Variants in CHAF1A observed in about 807,000 individuals in gnomAD.
CHAF1A encodes CAF-1 subunit A.
CHAF1A carries 5 observed loss-of-function variants against 93.2 expected under a neutral mutation model. That is an observed-to-expected ratio of 0.05 (90% confidence interval 0.03 to 0.11). The LOEUF (loss-of-function observed/expected upper bound fraction) is 0.11. Among genes scored for constraint, CHAF1A ranks in the 10% least tolerant of loss-of-function variants. The pLI is 1.00. For synonymous variants in CHAF1A, 504 were observed against 510.3 expected, an observed-to-expected ratio of 0.99 and a Z score of 0.17; for missense variants, 1,102 against 1,259.9, an observed-to-expected ratio of 0.87 and a Z score of 1.90.
chr19:4,430,063 G>T, intron 10 of CHAF1A: 1 of 446,538 alleles, frequency 2.2e-6, no homozygotes, highest in Non-Finnish European at 4.0e-6. Context: ...TGCCTCCTGC[G>T]GGCCTGCTGC....
intron 13 of CHAF1A, among the ~76,000 whole-genome samples, chr19:4,435,044 C>T (rs1411712284): frequency 6.6e-6 from 1 of 151,770 alleles, no homozygotes; most frequent in Non-Finnish European, 1.5e-5. Context: ...TTGTCCTTAC[C>T]ACACAGTGTT....
intron 7 of CHAF1A, 140 bp downstream of exon 7, chr19:4,424,014 G>A (rs1974037358): frequency 5.6e-6 from 4 of 719,666 alleles, no homozygotes; most frequent in Non-Finnish European, 9.4e-6. Context: ...TTCCATTTCT[G>A]GTTAAGTCTT....
At chr19:4,446,761 G>C (rs779110246), downstream of CHAF1A, 2 of 1,611,780 alleles carry the variant, frequency 1.2e-6, no homozygotes, top group South Asian at 1.1e-5. Context: ...GCAATGGAGA[G>C]ACCCCCAAGC....
At chr19:4,434,605 C>T (rs968451985) in intron 13 of CHAF1A, among the ~76,000 whole-genome samples, 1 of 152,126 alleles carries the variant, frequency 6.6e-6, no homozygotes, top group Admixed American at 6.5e-5. Context: ...GTGTGTGGCT[C>T]CTTTGACTTG....
At chr19:4,437,336 G>A (rs540991725) in intron 13 of CHAF1A, among the ~76,000 whole-genome samples, 68 of 152,226 alleles carry the variant, frequency 4.5e-4, no homozygotes, top group African/African-American at 1.5e-3. Context: ...GAGCCCGGAT[G>A]GGACATGTGC....
At chr19:4,431,861 C>A in intron 11 of CHAF1A, 91 bp from the exon 12 acceptor site, 1 of 1,505,424 alleles carries the variant, frequency 6.6e-7, no homozygotes, top group African/African-American at 1.4e-5. Context: ...TCCTCTTGCT[C>A]CCCAGCTGGC....
downstream of CHAF1A, chr19:4,448,515 C>T (rs1017039561): frequency 3.0e-5 from 28 of 923,234 alleles, no homozygotes; most frequent in Middle Eastern, 2.5e-4. Context: ...GGCAGAACAG[C>T]GGCTTGGAGC....
rs774759513 is a variant in CHAF1A, at chr19:4,409,797, C to T, written c.960+38C>T. On this transcript the variant is annotated intron_variant, in intron 3 of 14. Transcript: ENST00000301280. ...CATGGAGTCCCTGCACATCAGTGCT[C>T]ACGGATCTCAGAGCGCTGTCAGTCT... is the stretch of plus-strand genomic sequence containing the variant. The T allele has an allele frequency of 3.0e-5, 46 of 1,558,162 alleles. No individual in the cohort carries two copies. The Admixed American group carries it at 7.3e-4, about 25-fold the overall frequency.
At chr19:4,419,678 A>C (rs545111306) in intron 4 of CHAF1A, among the ~76,000 whole-genome samples, 1 of 152,116 alleles carries the variant, frequency 6.6e-6, no homozygotes, top group East Asian at 1.9e-4. Flanking sequence ...TGATCCACCC[A>C]CCTTGGCTTC....
intron 3 of CHAF1A, among the ~76,000 whole-genome samples, chr19:4,411,529 C>A (rs1019890735): frequency 6.6e-6 from 1 of 151,436 alleles, no homozygotes; most frequent in African/African-American, 2.4e-5. Context: ...TGTGCTTGGC[C>A]AAGAGCATTT....
chr19:4,425,038 G>A (rs1228747737), intron 7 of CHAF1A, among the ~76,000 whole-genome samples: 1 of 152,032 alleles, frequency 6.6e-6, no homozygotes, highest in African/African-American at 2.4e-5. Flanking sequence ...GCCTCTCAAA[G>A]CACTTGGATT....
At chr19:4,405,179 C>CCA (rs1469459978) in intron 1 of CHAF1A, among the ~76,000 whole-genome samples, 1 of 152,264 alleles carries the variant, frequency 6.6e-6, no homozygotes, top group East Asian at 1.9e-4. Context: ...TAACCAGGTA[C>CCA]CATAGGTGCA....
At chr19:4,444,295 C>T (rs917017929), downstream of CHAF1A, among the ~76,000 whole-genome samples, 2 of 152,202 alleles carry the variant, frequency 1.3e-5, no homozygotes, top group Non-Finnish European at 2.9e-5. Flanking sequence ...ATCCCCAAGT[C>T]AGCAGTGGGG....
At chr19:4,403,539 G>C (rs1404541138) in intron 1 of CHAF1A, among the ~76,000 whole-genome samples, 1 of 152,238 alleles carries the variant, frequency 6.6e-6, no homozygotes, top group Non-Finnish European at 1.5e-5. Context: ...AACGAATGAA[G>C]GGCTAGAATG....
chr19:4,423,191 T>TA (rs1201918970), intron 5 of CHAF1A, 144 bp from the exon 6 acceptor site: 1 of 1,228,970 alleles, frequency 8.1e-7, no homozygotes, highest in African/African-American at 1.5e-5. Flanking sequence ...AAGACCTATG[T>TA]AAAAGCCTTA....
At chr19:4,414,396 C>CAAA (rs530581987) in intron 3 of CHAF1A, among the ~76,000 whole-genome samples, 3 of 112,658 alleles carry the variant, frequency 2.7e-5, no homozygotes, top group Non-Finnish European at 5.7e-5. Flanking sequence ...CAGACCGTCT[C>CAAA]AAAAAAAAAA....
rs774497853 is a variant in CHAF1A at position 4,431,999 on chromosome 19, C to T, written c.1995C>T (p.Ala665=). 16 of 1,613,710 alleles carry T rather than the reference C, an allele frequency of 9.9e-6. No individual in the cohort carries two copies. In the East Asian group the frequency reaches 3.6e-4, roughly 36 times the overall value. Residue 665 remains alanine, a synonymous_variant, in exon 12 of 15, where the codon GCC becomes GCT. Coordinates refer to ENST00000301280, the MANE Select transcript of CHAF1A (RefSeq NM_005483.3). ...ATAAGGTCCGCCAGAAACTGAAGGC[C>T]AAGGAGTGGGACGAGTTCCTGGCTA... ...ENHKVRQKLK[A]KEWDEFLAKG...
rs754558011 is a variant in CHAF1A, at chr19:4,423,803, C to T, written c.1309-3C>T. ...TTCTCATCACCATCTCTTAACATCA[C>T]AGCGCATTAAAGCAGAGAAGGCCGA... On this transcript the variant is annotated splice_region_variant and splice_polypyrimidine_tract_variant and intron_variant, in intron 6 of 14. Transcript: ENST00000301280. 1 of 1,613,998 alleles carries T rather than the reference C, an allele frequency of 6.2e-7. No homozygotes were observed. Among genetic ancestry groups the T allele is most frequent in the Non-Finnish European group, 8.5e-7 (1 of 1,179,814 alleles).
Position 4,428,852 on chromosome 19 carries a change from C to G in CHAF1A, c.1566C>G (p.Pro522=), listed in dbSNP as rs34219547. ...LKGRQPLRSG[P]THVSTRNADI... is the part of the protein sequence containing the mutation. ...GCCGGCAGCCCCTGAGGTCCGGACC[C>G]ACGCACGTTTCCACCCGGAATGCAG... Residue 522 remains proline (P), a synonymous_variant, in exon 8 of 15, where the codon CCC becomes CCG. Transcript: ENST00000301280. The G allele has an allele frequency of 3.2e-4, 519 of 1,613,886 alleles. No homozygotes were observed. The African/African-American group carries it at 6.3e-3, about 20-fold the overall frequency.
Sources: allele counts gnomAD v4.1 joint callset (sites outside exome capture counted in the v4.1 genomes callset), GRCh38; gene constraint gnomAD v4.1.1; transcripts MANE v1.5; gene names NCBI Gene and HGNC (gene_info 2026-07-23, HGNC 2026-07-21).